The following FLCN variants were observed in gnomAD, a reference collection of about 807,000 sequenced individuals.
FLCN encodes BHD skin lesion fibrofolliculoma protein.
In FLCN, 22 loss-of-function variants were observed where a neutral mutation model predicts 62.5. The observed-to-expected ratio is 0.35, with a 90% CI of 0.25 to 0.50. The LOEUF is 0.50. Ranked by LOEUF, FLCN falls within the 20% of genes least tolerant of loss-of-function variation. The pLI, the probability that FLCN is intolerant of heterozygous loss-of-function variation, is 0.97. For synonymous variants in FLCN, 319 were observed against 310.0 expected (o/e 1.03, Z -0.30); for missense variants, 657 against 778.0 (o/e 0.84, Z 1.85).
In FLCN at chr17:17,219,064, C is replaced by A. The variant is rs2047008957; in HGVS notation, c.1017G>T (p.Gln339His). 6.2e-7 allele frequency: 1 copy of A among 1,613,920 alleles called. No homozygotes were observed. Among genetic ancestry groups the A allele is most frequent in the Non-Finnish European group, 8.5e-7 (1 of 1,179,968 alleles). ...SSSLSGCGSW[Q>H]PRKLPVFKSL... Reference sequence around the variant, plus strand: ...ACTTGAAGACTGGCAGCTTCCGGGGCTGCCAGCTCCCACAGCCTGAGAGAG... The same window carrying A: ...ACTTGAAGACTGGCAGCTTCCGGGGATGCCAGCTCCCACAGCCTGAGAGAG... The change falls in exon 9 of 14, where the codon CAG becomes CAT. Residue 339 changes from glutamine to histidine, a missense_variant. By Grantham distance (24) the Gln-to-His change is conservative. Coordinates refer to ENST00000285071, the MANE Select transcript of FLCN (RefSeq NM_144997.7).
chr17:17,213,149 A>T lies in FLCN; in HGVS notation c.*506T>A. 1 of 314,878 alleles carries T rather than the reference A, an allele frequency of 3.2e-6. No homozygotes were observed. The highest frequency in any genetic ancestry group is 2.1e-5 in the African/African-American group (1 of 48,296). The allele number at this position is 314,878 out of a possible 1,614,324, so 19.5% of individuals were successfully genotyped here. ...TCCCCAAAGTCTCTTGCGGAGCCCT[A>T]ACTCAATCACTCAGTGACCAAGAGC... On this transcript the variant is annotated 3_prime_UTR_variant, in exon 14 of 14. Transcript: ENST00000285071.
chr17:17,217,762 A>C, intron 9 of FLCN: 2 of 181,084 alleles, frequency 1.1e-5, no homozygotes, highest in East Asian at 1.4e-4. Flanking sequence ...CCCACACCCC[A>C]CCTGTTATTA....
At chr17:17,214,894 C>CA (rs2046862625) in intron 13 of FLCN, 91 bp downstream of exon 13, 3 of 1,350,194 alleles carry the variant, frequency 2.2e-6, no homozygotes, top group Non-Finnish European at 3.2e-6. Flanking sequence ...GCTCCTCCCT[C>CA]AGTGGCCACG....
chr17:17,234,215 T>TTG (rs1555613063), intron 1 of FLCN, among the ~76,000 whole-genome samples: 25,749 of 134,520 alleles, frequency 0.19, 2,453 homozygotes, highest in South Asian at 0.27. Flanking sequence ...TTTTTTTTGG[T>TTG]TTGTTTTTTT....
intron 3 of FLCN, among the ~76,000 whole-genome samples, chr17:17,230,726 A>T (rs1350051103): frequency 7.7e-6 from 1 of 130,520 alleles, no homozygotes; most frequent in African/African-American, 3.1e-5. Context: ...ACTCCATCTC[A>T]AAAAAAAAAA....
chr17:17,213,727 GC>G lies in FLCN; in HGVS notation c.1667del (p.Gly556AlafsTer2), dbSNP rs1567804984. 6.2e-7 allele frequency: 1 copy of G among 1,614,218 alleles called. No homozygotes were observed. The highest frequency in any genetic ancestry group is 8.5e-7 in the Non-Finnish European group (1 of 1,180,042). ...NVKLLKFWMT[G>X]LSKTYKSHLM... The stretch of plus-strand genomic sequence containing the variant: ...GGTGTGACTTGTAGGTCTTGCTCAG[GC>G]CAGTCATCCAGAACTTCAGCAGCTT... On this transcript the variant is annotated frameshift_variant, in exon 14 of 14. Transcript: ENST00000285071. LOFTEE classifies it high-confidence loss of function.
Position 17,225,482 on chromosome 17 carries a change from G to A in FLCN, c.396+694C>T, listed in dbSNP as rs112253773. 399 of 154,114 alleles carry A rather than the reference G, an allele frequency of 2.6e-3. 2 individuals are homozygous for A. Among genetic ancestry groups the A allele is most frequent in the Middle Eastern group, 0.017 (5 of 296 alleles). 9.5% of individuals were successfully genotyped at this position (154,114 alleles called of 1,614,324 possible). On this transcript the variant is annotated intron_variant, in intron 5 of 13. Transcript: ENST00000285071. ...AATCCCAGCACTTCGGGAGGCCGAG[G>A]CGGGCAAATCACAAGGTCAGGAGTT... is the stretch of plus-strand genomic sequence containing the variant.
In FLCN at chr17:17,214,981, T is replaced by C; in HGVS notation, c.1538+4A>G. On this transcript the variant is annotated splice_donor_region_variant and intron_variant, in intron 13 of 13. Transcript: ENST00000285071. The stretch of plus-strand genomic sequence containing the variant: ...AAAGGGGCCTCACCCACACTGTTGC[T>C]TACTTCATCCACTCCTCCTTGAGGC... 2 of 1,613,788 alleles carry C rather than the reference T, an allele frequency of 1.2e-6. No homozygotes were observed. The highest frequency in any genetic ancestry group is 1.7e-6 in the Non-Finnish European group (2 of 1,179,918).
At chr17:17,220,595 C>T (rs2047058654) in intron 8 of FLCN, 1 of 152,742 alleles carries the variant, frequency 6.5e-6, no homozygotes, top group South Asian at 2.1e-4. Context: ...GAGCCCGAAA[C>T]CCCATACTGC....
At chr17:17,230,484 C>T (rs769861663) in intron 3 of FLCN, among the ~76,000 whole-genome samples, 1 of 151,412 alleles carries the variant, frequency 6.6e-6, no homozygotes, top group African/African-American at 2.4e-5. Flanking sequence ...GAGCCGAGAT[C>T]GCACCACGGC....
chr17:17,215,500 G>A (rs1395879998), intron 11 of FLCN, among the ~76,000 whole-genome samples, 184 bp from the exon 12 acceptor site: 1 of 152,148 alleles, frequency 6.6e-6, no homozygotes, highest in Non-Finnish European at 1.5e-5. Flanking sequence ...ATAGTTAAGG[G>A]TTAACTTTTG....
chr17:17,221,261 T>G lies in FLCN; in HGVS notation c.871+276A>C, dbSNP rs1049265272. ...CAAAATCGGGACGAGAAGCCTTTAA[T>G]CAGCCAGTTCTCTCTACAGACAGCC... On this transcript the variant is annotated intron_variant, in intron 8 of 13. Coordinates refer to ENST00000285071, the MANE Select transcript of FLCN (RefSeq NM_144997.7). 1.9e-6 allele frequency: 3 copies of G among 1,543,324 alleles called. No homozygotes were observed. The African/African-American group carries it at 4.1e-5, about 21-fold the overall frequency.
rs1597612658 is a variant in FLCN, at chr17:17,226,187, G to A, written c.385C>T (p.Leu129=). 2.5e-6 allele frequency: 4 copies of A among 1,614,106 alleles called. No homozygotes were observed. The highest frequency in any genetic ancestry group is 1.7e-6 in the Non-Finnish European group (2 of 1,180,024). ...GCCACAAGGCTCACCTCACAGCTCA[G>A]GCTCCGGACACAGGCCTGGCGGACA... ...SIVRQACVRS[L]SCEVCPGREG... Residue 129 remains leucine (L), a synonymous_variant, in exon 5 of 14, where the codon CTG becomes TTG. Transcript: ENST00000285071.
In FLCN at chr17:17,215,061, C is replaced by T. The variant is rs1597578917; in HGVS notation, c.1462G>A (p.Ala488Thr). The stretch of plus-strand genomic sequence containing the variant: ...GACAGGTTCTGGTTGGTCAGAGCCG[C>T]TTCAATCTTATTCAGGATGGTGGGG... ...VGPTILNKIE[A>T]ALTNQNLSVD... Residue 488 changes from alanine to threonine, a missense_variant, in exon 13 of 14, where the codon GCG becomes ACG. By Grantham distance (58) the Ala-to-Thr change is moderately conservative (BLOSUM62 0). Coordinates refer to ENST00000285071, the MANE Select transcript of FLCN (RefSeq NM_144997.7). 6.2e-7 allele frequency: 1 copy of T among 1,614,168 alleles called. No individual in the cohort carries two copies. The highest frequency in any genetic ancestry group is 8.5e-7 in the Non-Finnish European group (1 of 1,180,028).
intron 5 of FLCN, chr17:17,224,374 T>C (rs1031493259): frequency 1.0e-5 from 6 of 572,790 alleles, no homozygotes; most frequent in East Asian, 8.9e-5. Flanking sequence ...ACAAGGCTTA[T>C]TGCTTTTCTT....
rs7218992 is a variant in FLCN at position 17,212,319 on chromosome 17, C to T, written c.*1336G>A. On this transcript the variant is annotated 3_prime_UTR_variant, in exon 14 of 14. Transcript: ENST00000285071. Reference sequence around the variant, plus strand: ...AATATAAACACAAAAAAACTAGAAACAAATCAGCAAAACCATCAGAAAATC... The same window carrying T: ...AATATAAACACAAAAAAACTAGAAATAAATCAGCAAAACCATCAGAAAATC... 5.7e-6 allele frequency: 1 copy of T among 175,932 alleles called. No individual in the cohort carries two copies. Among genetic ancestry groups the T allele is most frequent in the Admixed American group, 6.4e-5 (1 of 15,732 alleles). 10.9% of individuals were successfully genotyped at this position (175,932 alleles called of 1,614,324 possible). A position where few individuals can be genotyped will look rare whatever the true frequency, so the allele number is the denominator to read the frequency against.
Position 17,213,581 on chromosome 17 carries a change from G to A in FLCN, c.*74C>T, listed in dbSNP as rs2046812465. The A allele has an allele frequency of 6.3e-7, 1 of 1,586,914 alleles. No homozygotes were observed. Among genetic ancestry groups the A allele is most frequent in the African/African-American group, 1.3e-5 (1 of 74,438 alleles). The stretch of plus-strand genomic sequence containing the variant: ...CCTTCCAGCAGTTGAGAAACTCAAG[G>A]GACAGTCCCTCTCACGGGGCTGGAG... On this transcript the variant is annotated 3_prime_UTR_variant, in exon 14 of 14. Transcript: ENST00000285071.
rs1597617304 is a variant in FLCN, at chr17:17,227,910, G to A, written c.228C>T (p.Pro76=). 5.0e-6 allele frequency: 8 copies of A among 1,614,096 alleles called. No individual in the cohort carries two copies. The highest frequency in any genetic ancestry group is 5.9e-6 in the Non-Finnish European group (7 of 1,180,030). ...TTGCCTCGCACATGTCCGACTTTTTGGGCCCCGGGCTGCTGGACTCGACGC... is the reference window on the plus strand; with the variant it reads ...TTGCCTCGCACATGTCCGACTTTTTAGGCCCCGGGCTGCTGGACTCGACGC... ...GASVESSSPG[P]KKSDMCEGCR... Residue 76 remains proline (P), a synonymous_variant, in exon 4 of 14, where the codon CCC becomes CCT. Transcript: ENST00000285071.
intron 9 of FLCN, 116 bp downstream of exon 9, chr17:17,218,902 AG>A (rs1336425804): frequency 1.1e-5 from 13 of 1,198,098 alleles, no homozygotes; most frequent in Non-Finnish European, 1.3e-5. Flanking sequence ...GGAGGCTGTC[AG>A]TCACTTCCTG....
Sources: allele counts gnomAD v4.1 joint callset (sites outside exome capture counted in the v4.1 genomes callset), GRCh38; gene constraint gnomAD v4.1.1; transcripts MANE v1.5; gene names NCBI Gene and HGNC (gene_info 2026-07-23, HGNC 2026-07-21).